The following DLG2 variants were observed in gnomAD, a reference collection of about 807,000 sequenced individuals.
DLG2 encodes disks large homolog 2.
In DLG2, 45 loss-of-function variants were observed where a neutral mutation model predicts 132.5. The ratio of observed to expected loss-of-function variants is 0.34; its 90% CI spans 0.27 to 0.44. DLG2 has a LOEUF of 0.44. DLG2 is among the 20% of genes least tolerant of loss of function. DLG2 has a pLI of 1.00. For missense variants in DLG2, 1,045 were observed against 1,196.9 expected (o/e 0.87, Z 1.87); for synonymous variants, 424 against 419.6 (o/e 1.01, Z -0.13).
At chr11:84,343,200 A>C (rs1157097746) in intron 7 of DLG2, among the ~76,000 whole-genome samples, 2 of 152,196 alleles carry the variant, frequency 1.3e-5, no homozygotes. Context: ...CCAGGAAGAG[A>C]AGAGAGAGCT....
chr11:83,972,507 A>G (rs2091519131), intron 12 of DLG2, among the ~76,000 whole-genome samples: 1 of 152,102 alleles, frequency 6.6e-6, no homozygotes, highest in African/African-American at 2.4e-5. Flanking sequence ...TGAAACACTT[A>G]TTCCTACAGT....
intron 7 of DLG2, among the ~76,000 whole-genome samples, chr11:84,312,130 C>A (rs1567253806): frequency 2.0e-5 from 3 of 152,300 alleles, no homozygotes; most frequent in South Asian, 2.1e-4. Context: ...AATCATTCAT[C>A]ACCACAACTC....
intron 6 of DLG2, among the ~76,000 whole-genome samples, chr11:85,037,226 T>C (rs2061501072): frequency 6.6e-6 from 1 of 152,160 alleles, no homozygotes; most frequent in Non-Finnish European, 1.5e-5. Context: ...TCCCAAAACA[T>C]CATATCGTCA....
intron 6 of DLG2, among the ~76,000 whole-genome samples, chr11:84,859,528 A>C (rs979977272): frequency 2.0e-5 from 3 of 149,976 alleles, no homozygotes; most frequent in Non-Finnish European, 4.4e-5. Flanking sequence ...AAAAGTCAAA[A>C]TATGTTATAA....
chr11:83,969,393 G>A (rs1341613975), intron 12 of DLG2, among the ~76,000 whole-genome samples: 1 of 152,128 alleles, frequency 6.6e-6, no homozygotes, highest in Middle Eastern at 3.2e-3. Context: ...GCTTAATCCA[G>A]TGGTAATAGT....
At chr11:83,580,276 T>C (rs900551939) in intron 19 of DLG2, among the ~76,000 whole-genome samples, 1 of 152,116 alleles carries the variant, frequency 6.6e-6, no homozygotes, top group Admixed American at 6.5e-5. Context: ...TATTAAAATA[T>C]ATGCCCATGG....
At chr11:85,076,662 G>C (rs1412250510) in intron 6 of DLG2, among the ~76,000 whole-genome samples, 1 of 151,966 alleles carries the variant, frequency 6.6e-6, no homozygotes, top group Non-Finnish European at 1.5e-5. Context: ...AATCTATCTA[G>C]AGCATTCCTC....
chr11:85,074,443 A>G (rs1450994330), intron 6 of DLG2, among the ~76,000 whole-genome samples: 1 of 151,872 alleles, frequency 6.6e-6, no homozygotes, highest in African/African-American at 2.4e-5. Context: ...AATTAATCCC[A>G]TCAAGACACA....
intron 6 of DLG2, among the ~76,000 whole-genome samples, chr11:84,899,774 T>C (rs1314087414): frequency 1.3e-5 from 2 of 152,098 alleles, no homozygotes; most frequent in Non-Finnish European, 2.9e-5. Flanking sequence ...GGTAAAGCTA[T>C]GCATTAGCTG....
At chr11:84,744,303 C>A (rs2153827412) in intron 6 of DLG2, among the ~76,000 whole-genome samples, 1 of 152,278 alleles carries the variant, frequency 6.6e-6, no homozygotes, top group African/African-American at 2.4e-5. Flanking sequence ...TTAGATTGGG[C>A]AAACCTTTTA....
chr11:85,431,638 C>A (rs1189223250), intron 3 of DLG2, among the ~76,000 whole-genome samples: 2 of 152,232 alleles, frequency 1.3e-5, no homozygotes, highest in Non-Finnish European at 2.9e-5. Flanking sequence ...CAACTCCAAC[C>A]AGGGGCTCAG....
At chr11:84,388,635 A>G (rs992265803) in intron 7 of DLG2, among the ~76,000 whole-genome samples, 19 of 152,002 alleles carry the variant, frequency 1.2e-4, no homozygotes, top group Admixed American at 9.2e-4. Flanking sequence ...AGAGAAGCCC[A>G]TCTCTGGCTA....
At chr11:84,620,675 G>A (rs1445312502) in intron 6 of DLG2, among the ~76,000 whole-genome samples, 2 of 151,944 alleles carry the variant, frequency 1.3e-5, no homozygotes, top group African/African-American at 4.8e-5. Flanking sequence ...AGAACTCAAC[G>A]ATATTTTTGT....
chr11:85,436,344 A>G (rs1250373959), intron 3 of DLG2, among the ~76,000 whole-genome samples: 2 of 152,226 alleles, frequency 1.3e-5, no homozygotes, highest in African/African-American at 2.4e-5. Context: ...TCTGCACAGC[A>G]AAAGAAACTA....
intron 4 of DLG2, among the ~76,000 whole-genome samples, chr11:85,159,588 G>T (rs111500894): frequency 0.055 from 8,325 of 152,226 alleles, 329 homozygotes; most frequent in African/African-American, 0.1. Flanking sequence ...TCTTGGAGAA[G>T]GACAGTGGAT....
intron 6 of DLG2, among the ~76,000 whole-genome samples, chr11:85,103,460 G>C (rs1213717173): frequency 6.6e-6 from 1 of 151,920 alleles, no homozygotes; most frequent in African/African-American, 2.4e-5. Flanking sequence ...TATACTTACA[G>C]TCAGTTGATT....
At chr11:85,114,682 G>A (rs1405088720) in intron 5 of DLG2, among the ~76,000 whole-genome samples, 1 of 151,872 alleles carries the variant, frequency 6.6e-6, no homozygotes, top group African/African-American at 2.4e-5. Flanking sequence ...TTTCATTCCA[G>A]AATATTCTGA....
At chr11:84,877,035 C>T (rs192336509) in intron 6 of DLG2, among the ~76,000 whole-genome samples, 14 of 152,276 alleles carry the variant, frequency 9.2e-5, no homozygotes, top group Non-Finnish European at 1.8e-4. Context: ...TTTGATTGCA[C>T]TGTGGTCTGA....
intron 8 of DLG2, among the ~76,000 whole-genome samples, chr11:84,193,127 A>G (rs11233938): frequency 0.045 from 6,780 of 152,318 alleles, 201 homozygotes; most frequent in Non-Finnish European, 0.073. Flanking sequence ...TGGTACTGGG[A>G]TATCTATTTG....
Sources: allele counts gnomAD v4.1 joint callset (sites outside exome capture counted in the v4.1 genomes callset), GRCh38; gene constraint gnomAD v4.1.1; transcripts MANE v1.5; gene names NCBI Gene and HGNC (gene_info 2026-07-23, HGNC 2026-07-21).